The following DLG2 variants were observed in gnomAD, a reference collection of about 807,000 sequenced individuals.
The protein encoded by DLG2 is disks large homolog 2.
DLG2 carries 45 observed loss-of-function variants against 132.5 expected under a neutral mutation model. The ratio of observed to expected loss-of-function variants is 0.34; its 90% confidence interval spans 0.27 to 0.44. The LOEUF (loss-of-function observed/expected upper bound fraction) is 0.44, where lower values mean the gene tolerates loss of function less well. Ranked by LOEUF, DLG2 falls within the 20% of genes least tolerant of loss-of-function variation. DLG2 has a pLI of 1.00. For missense variants in DLG2, 1,045 were observed against 1,196.9 expected, an observed-to-expected ratio of 0.87 and a Z score of 1.87; for synonymous variants, 424 against 419.6, an observed-to-expected ratio of 1.01 and a Z score of -0.13.
intron 18 of DLG2, among the ~76,000 whole-genome samples, chr11:83,785,670 G>A (rs1594329544): frequency 1.3e-5 from 2 of 152,254 alleles, no homozygotes; most frequent in African/African-American, 4.8e-5. Context: ...GGCAGACCAT[G>A]TGATTGGCCA....
At chr11:83,875,671 A>G (rs1339701834) in intron 15 of DLG2, among the ~76,000 whole-genome samples, 2 of 152,206 alleles carry the variant, frequency 1.3e-5, no homozygotes, top group African/African-American at 4.8e-5. Flanking sequence ...TGGTTGAAAC[A>G]CTATTTACAT....
In DLG2 at chr11:85,598,730, C is replaced by A; in HGVS notation, c.-34G>T. The A allele has an allele frequency of 6.4e-7, 1 of 1,564,036 alleles. No homozygotes were observed. Among genetic ancestry groups the A allele is most frequent in the Admixed American group, 1.9e-5 (1 of 51,458 alleles). ...TAACCGCATTTTTCAACAGCTGCTC[C>A]TCTGGTTTCCTTAATTTTTTGCAGT... On this transcript the variant is annotated 5_prime_UTR_variant, in exon 3 of 28. The change creates a new upstream start codon in the 5' untranslated region. Transcript: ENST00000376104.
chr11:85,529,788 C>T (rs558067457), intron 3 of DLG2, among the ~76,000 whole-genome samples: 28 of 152,212 alleles, frequency 1.8e-4, no homozygotes, highest in African/African-American at 5.3e-4. Flanking sequence ...TCCAGGACCA[C>T]CAAATACAGT....
intron 19 of DLG2, among the ~76,000 whole-genome samples, chr11:83,618,152 T>C (rs572642769): frequency 1.2e-4 from 18 of 152,216 alleles, no homozygotes; most frequent in Non-Finnish European, 2.4e-4. Context: ...TTTATTCTGT[T>C]AATGTGATTT....
At chr11:85,419,289 T>C (rs2090110420) in intron 3 of DLG2, among the ~76,000 whole-genome samples, 1 of 152,194 alleles carries the variant, frequency 6.6e-6, no homozygotes, top group Non-Finnish European at 1.5e-5. Context: ...TTAAGAGAGA[T>C]CTGATGTTAG....
intron 6 of DLG2, among the ~76,000 whole-genome samples, chr11:84,920,305 T>C (rs1173804659): frequency 6.6e-6 from 1 of 152,152 alleles, no homozygotes; most frequent in Non-Finnish European, 1.5e-5. Context: ...GCTCCATGCT[T>C]TTGCCACTCC....
intron 14 of DLG2, among the ~76,000 whole-genome samples, chr11:83,961,726 G>C (rs2088848271): frequency 6.6e-6 from 1 of 151,984 alleles, no homozygotes; most frequent in African/African-American, 2.4e-5. Context: ...AGAGCAAAGA[G>C]ATCATCACTC....
At chr11:85,124,429 C>T (rs751348445) in intron 5 of DLG2, among the ~76,000 whole-genome samples, 14 of 152,182 alleles carry the variant, frequency 9.2e-5, no homozygotes, top group African/African-American at 2.7e-4. Flanking sequence ...TAGAGTACTT[C>T]GTACTTTTCA....
rs182132587 is a variant in DLG2, at chr11:84,628,920, G to A, written c.358-94189C>T. 4.6e-5 allele frequency among the ~76,000 whole-genome samples: 7 copies of A among 152,264 alleles called. No homozygotes were observed. The East Asian group carries it at 1.2e-3, about 25-fold the overall frequency. On this transcript the variant is annotated intron_variant, in intron 6 of 27. Transcript: ENST00000376104. ...AATGATGAATAGTCTGGCTGTGACC[G>A]AGATTGAAAAAGAGAACAGATGACC...
At chr11:84,949,087 G>A (rs1056167209) in intron 6 of DLG2, among the ~76,000 whole-genome samples, 1 of 152,126 alleles carries the variant, frequency 6.6e-6, no homozygotes, top group Non-Finnish European at 1.5e-5. Context: ...GCGTCGGCTG[G>A]CTTGAGAAAT....
At chr11:84,683,116 G>T (rs919731280) in intron 6 of DLG2, among the ~76,000 whole-genome samples, 2 of 152,158 alleles carry the variant, frequency 1.3e-5, no homozygotes, top group South Asian at 4.1e-4. Flanking sequence ...CAAGAAAAGG[G>T]AAAGGAAGGG....
chr11:85,187,316 C>T (rs72945956), intron 4 of DLG2, among the ~76,000 whole-genome samples: 12,554 of 151,948 alleles, frequency 0.083, 649 homozygotes, highest in African/African-American at 0.14. Flanking sequence ...CTTCAGAATA[C>T]CTATATGAAA....
intron 6 of DLG2, among the ~76,000 whole-genome samples, chr11:84,980,712 C>T (rs1406009251): frequency 6.6e-6 from 1 of 152,140 alleles, no homozygotes; most frequent in Non-Finnish European, 1.5e-5. Flanking sequence ...CACAGTGAGC[C>T]CCAAGTTTCT....
intron 19 of DLG2, among the ~76,000 whole-genome samples, chr11:83,571,836 G>A (rs1035382232): frequency 6.6e-6 from 1 of 151,950 alleles, no homozygotes; most frequent in African/African-American, 2.4e-5. Context: ...TGTCTGATGT[G>A]TTGATCTTAA....
chr11:84,089,689 C>A (rs1414690678), intron 10 of DLG2, among the ~76,000 whole-genome samples: 1 of 152,216 alleles, frequency 6.6e-6, no homozygotes, highest in South Asian at 2.1e-4. Flanking sequence ...TAAACAGACA[C>A]AGAAGTAATA....
chr11:85,297,443 C>T (rs2079305255), intron 3 of DLG2, among the ~76,000 whole-genome samples: 1 of 152,168 alleles, frequency 6.6e-6, no homozygotes, highest in Admixed American at 6.6e-5. Context: ...GAAAGCCACA[C>T]AGGACCCCAT....
intron 6 of DLG2, among the ~76,000 whole-genome samples, chr11:84,858,319 AT>A (rs201037443): frequency 6.6e-6 from 1 of 152,028 alleles, no homozygotes; most frequent in African/African-American, 2.4e-5. Context: ...TGCAAGTCTG[AT>A]TTTAAAAAAA....
intron 6 of DLG2, among the ~76,000 whole-genome samples, chr11:84,952,563 A>C (rs536177181): frequency 1.8e-4 from 27 of 152,152 alleles, no homozygotes; most frequent in African/African-American, 6.3e-4. Flanking sequence ...TCTAAACTTC[A>C]ACAAGAGTGA....
At chr11:84,584,763 A>G (rs1294675321) in intron 6 of DLG2, among the ~76,000 whole-genome samples, 2 of 128,510 alleles carry the variant, frequency 1.6e-5, no homozygotes, top group Non-Finnish European at 3.1e-5. Context: ...ATCTGGGCTC[A>G]CTGCAAGCTC....
Sources: gnomAD v4.1 joint callset for allele counts (sites outside exome capture counted in the v4.1 genomes callset) on GRCh38, gnomAD v4.1.1 for gene constraint, MANE v1.5 for transcripts, NCBI Gene and HGNC (gene_info 2026-07-23, HGNC 2026-07-21) for gene names.